Variants in GNAQ observed in about 807,000 individuals in gnomAD.
GNAQ encodes the protein G protein subunit alpha q.
A neutral mutation model predicts 43.9 loss-of-function variants in GNAQ; 8 were observed. The ratio of observed to expected loss-of-function variants is 0.18; its 90% CI spans 0.11 to 0.33. The LOEUF is 0.33. GNAQ is among the 10% of genes least tolerant of loss of function. GNAQ has a pLI of 1.00. For missense variants in GNAQ, 158 were observed against 450.8 expected, an observed-to-expected ratio of 0.35 and a Z score of 5.88; for synonymous variants, 155 against 170.7, an observed-to-expected ratio of 0.91 and a Z score of 0.71.
chr9:77,876,024 T>G (rs913964526), intron 2 of GNAQ, among the ~76,000 whole-genome samples: 38 of 152,342 alleles, frequency 2.5e-4, no homozygotes, highest in Admixed American at 5.9e-4. Context: ...AGGATTATTA[T>G]TTATATTTTT....
At chr9:77,775,091 A>G (rs1826286913) in intron 5 of GNAQ, among the ~76,000 whole-genome samples, 2 of 152,196 alleles carry the variant, frequency 1.3e-5, no homozygotes, top group Admixed American at 1.3e-4. Context: ...TTTCTGTCCA[A>G]TATTAATTAT....
chr9:77,954,220 T>C (rs1395093520), intron 1 of GNAQ, among the ~76,000 whole-genome samples: 1 of 152,220 alleles, frequency 6.6e-6, no homozygotes, highest in Non-Finnish European at 1.5e-5. Context: ...TGTAACTAGA[T>C]GACTATGCGG....
At chr9:77,870,049 GAAT>G (rs1241774846) in intron 2 of GNAQ, among the ~76,000 whole-genome samples, 1 of 152,136 alleles carries the variant, frequency 6.6e-6, no homozygotes, top group African/African-American at 2.4e-5. Flanking sequence ...AATATAGCTA[GAAT>G]AATAGGAAAA....
intron 5 of GNAQ, among the ~76,000 whole-genome samples, chr9:77,760,593 A>C (rs1210897187): frequency 6.6e-6 from 1 of 152,116 alleles, no homozygotes; most frequent in African/African-American, 2.4e-5. Flanking sequence ...TTGGCCTCCC[A>C]AAGTGCCCAG....
At chr9:77,927,886 C>G (rs1316847864) in intron 1 of GNAQ, among the ~76,000 whole-genome samples, 2 of 152,104 alleles carry the variant, frequency 1.3e-5, no homozygotes, top group Non-Finnish European at 2.9e-5. Flanking sequence ...AAACAACAGC[C>G]AAGAACAAAA....
At chr9:77,819,732 TG>T (rs1486650509) in intron 2 of GNAQ, among the ~76,000 whole-genome samples, 1 of 150,912 alleles carries the variant, frequency 6.6e-6, no homozygotes, top group Non-Finnish European at 1.5e-5. Flanking sequence ...TATTTCCTTT[TG>T]GCACTTGACT....
In GNAQ at chr9:77,763,183, C is replaced by T. The variant is rs1826082421; in HGVS notation, c.735+31280G>A. ...AAGGAAAAGGTAAGTGCCAGAGGCCCAGGAACTGGCTGGAAAAATTTTAAA... is the reference window on the plus strand; with the variant it reads ...AAGGAAAAGGTAAGTGCCAGAGGCCTAGGAACTGGCTGGAAAAATTTTAAA... On this transcript the variant is annotated intron_variant, in intron 5 of 6. Coordinates refer to ENST00000286548, the MANE Select transcript of GNAQ (RefSeq NM_002072.5). Among the ~76,000 whole-genome samples, 3 of 149,272 alleles carry T rather than the reference C, an allele frequency of 2.0e-5. No homozygotes were observed. The South Asian group carries it at 6.4e-4, about 32-fold the overall frequency.
Position 77,922,020 on chromosome 9 carries a change from C to G in GNAQ, c.321+141G>C, listed in dbSNP as rs1829003845. On this transcript the variant is annotated intron_variant, in intron 2 of 6. Transcript: ENST00000286548. Reference sequence around the variant, plus strand: ...CAATAACTTATTATCTATTAAAAGTCTCATTTATGATGGGATGGAAAATGT... The same window carrying G: ...CAATAACTTATTATCTATTAAAAGTGTCATTTATGATGGGATGGAAAATGT... 1.3e-5 allele frequency: 6 copies of G among 479,036 alleles called. No individual in the cohort carries two copies. In the East Asian group the frequency reaches 1.8e-4, roughly 14 times the overall value. The allele number at this position is 479,036 out of a possible 1,614,324, so 29.7% of individuals were successfully genotyped here.
rs1365351553 is a variant in GNAQ at position 77,830,607 on chromosome 9, C to G, written c.322-14837G>C. 3.3e-5 allele frequency among the ~76,000 whole-genome samples: 5 copies of G among 152,114 alleles called. No homozygotes were observed. In the East Asian group the frequency reaches 9.6e-4, roughly 29 times the overall value. On this transcript the variant is annotated intron_variant, in intron 2 of 6. Transcript: ENST00000286548. ...ATGTTAGTCTTCCAAATATGCTGAC[C>G]TTTTTTGTTGTTGTCATCACAAGGG...
intron 2 of GNAQ, among the ~76,000 whole-genome samples, chr9:77,877,907 A>G (rs2118052649): frequency 6.6e-6 from 1 of 152,214 alleles, no homozygotes; most frequent in East Asian, 1.9e-4. Flanking sequence ...TGCCCAATGC[A>G]TTTTCAGTCC....
chr9:78,006,029 G>T (rs1227782874), intron 1 of GNAQ, among the ~76,000 whole-genome samples: 1 of 152,142 alleles, frequency 6.6e-6, no homozygotes, highest in African/African-American at 2.4e-5. Flanking sequence ...GTTATTGCAC[G>T]CAGGCTTACT....
chr9:77,875,205 C>A (rs1354649256), intron 2 of GNAQ, among the ~76,000 whole-genome samples: 1 of 152,080 alleles, frequency 6.6e-6, no homozygotes, highest in Non-Finnish European at 1.5e-5. Context: ...TACCCTGCAT[C>A]CTAGAACTAA....
At chr9:77,807,865 T>A (rs1826852449) in intron 3 of GNAQ, among the ~76,000 whole-genome samples, 1 of 152,174 alleles carries the variant, frequency 6.6e-6, no homozygotes, top group South Asian at 2.1e-4. Flanking sequence ...TGATCTCTGT[T>A]ACAACTATCT....
chr9:78,025,966 C>T (rs1823974309), intron 1 of GNAQ, among the ~76,000 whole-genome samples: 1 of 152,068 alleles, frequency 6.6e-6, no homozygotes, highest in African/African-American at 2.4e-5. Flanking sequence ...TGTTTCAGGT[C>T]CTAAAAAATT....
At chr9:77,976,380 GT>G (rs371434955) in intron 1 of GNAQ, among the ~76,000 whole-genome samples, 19 of 150,652 alleles carry the variant, frequency 1.3e-4, no homozygotes, top group South Asian at 2.1e-4. Flanking sequence ...TTGGTTTTTG[GT>G]TTTTTTTTGT....
intron 2 of GNAQ, 71 bp from the exon 3 acceptor site, chr9:77,815,841 TTA>T (rs1827004486): frequency 5.3e-6 from 5 of 946,826 alleles, no homozygotes; most frequent in Non-Finnish European, 8.2e-6. Context: ...GCATATTACA[TTA>T]TATACAATTC....
chr9:77,803,843 GAA>G (rs1826785200), intron 3 of GNAQ, among the ~76,000 whole-genome samples: 1 of 152,202 alleles, frequency 6.6e-6, no homozygotes, highest in Admixed American at 6.5e-5. Context: ...TGCACTGCAT[GAA>G]AGACTTAACA....
chr9:77,973,486 C>CTGA (rs765320973), intron 1 of GNAQ, among the ~76,000 whole-genome samples: 1 of 152,132 alleles, frequency 6.6e-6, no homozygotes, highest in Non-Finnish European at 1.5e-5. Flanking sequence ...CACAACCACA[C>CTGA]TGAGATTCAA....
At chr9:77,921,009 T>C (rs1828988085) in intron 2 of GNAQ, among the ~76,000 whole-genome samples, 1 of 152,240 alleles carries the variant, frequency 6.6e-6, no homozygotes, top group Non-Finnish European at 1.5e-5. Flanking sequence ...TATTGCTTAC[T>C]GATCTTGGAA....
Sources: gnomAD v4.1 joint callset for allele counts (sites outside exome capture counted in the v4.1 genomes callset) on GRCh38, gnomAD v4.1.1 for gene constraint, MANE v1.5 for transcripts, NCBI Gene and HGNC (gene_info 2026-07-23, HGNC 2026-07-21) for gene names.